The following IGF1R variants were observed in gnomAD, a reference collection of about 807,000 sequenced individuals.
The protein encoded by IGF1R is insulin-like growth factor 1 receptor.
A neutral mutation model predicts 144.6 loss-of-function variants in IGF1R; 44 were observed. The observed-to-expected ratio is 0.30, with a 90% confidence interval of 0.24 to 0.39. The LOEUF is 0.39. Ranked by LOEUF, IGF1R falls within the 10% of genes least tolerant of loss-of-function variation. The probability of loss-of-function intolerance (pLI) is 1.00; values close to 1 mark genes in which losing one functional copy is unlikely to be tolerated. For synonymous variants in IGF1R, 795 were observed against 722.8 expected, an observed-to-expected ratio of 1.10 and a Z score of -1.60; for missense variants, 1,355 against 1,833.7, an observed-to-expected ratio of 0.74 and a Z score of 4.77.
intron 2 of IGF1R, among the ~76,000 whole-genome samples, chr15:98,778,093 G>T (rs2055764842): frequency 6.6e-6 from 1 of 152,162 alleles, no homozygotes; most frequent in Non-Finnish European, 1.5e-5. Flanking sequence ...AGGGGGTGAG[G>T]ATAGAACAGA....
At chr15:98,926,361 T>C (rs2015718528) in intron 13 of IGF1R, among the ~76,000 whole-genome samples, 1 of 152,040 alleles carries the variant, frequency 6.6e-6, no homozygotes, top group Admixed American at 6.5e-5. Flanking sequence ...AAAATTTCAG[T>C]TAGATAGGAG....
At chr15:98,760,105 C>T (rs1461747570) in intron 2 of IGF1R, among the ~76,000 whole-genome samples, 1 of 151,882 alleles carries the variant, frequency 6.6e-6, no homozygotes, top group Non-Finnish European at 1.5e-5. Context: ...TTTGGGAGGC[C>T]ACGGTGAGTG....
At chr15:98,902,433 T>TC (rs2014529268) in intron 5 of IGF1R, among the ~76,000 whole-genome samples, 2 of 150,852 alleles carry the variant, frequency 1.3e-5, no homozygotes, top group African/African-American at 4.9e-5. Context: ...TTTTTTTTTT[T>TC]TTGAGATGGA....
chr15:98,838,976 C>T (rs1218471964), intron 2 of IGF1R, among the ~76,000 whole-genome samples: 1 of 152,244 alleles, frequency 6.6e-6, no homozygotes, highest in African/African-American at 2.4e-5. Flanking sequence ...GCCAAGGCCA[C>T]CAAGGGCAGG....
intron 2 of IGF1R, among the ~76,000 whole-genome samples, chr15:98,719,035 G>A (rs2054186652): frequency 1.3e-5 from 2 of 152,206 alleles, no homozygotes; most frequent in Non-Finnish European, 1.5e-5. Context: ...ATTATTAGGT[G>A]CTTAGACTAT....
chr15:98,893,139 A>C (rs1406626360), intron 3 of IGF1R, among the ~76,000 whole-genome samples: 2 of 152,250 alleles, frequency 1.3e-5, no homozygotes, highest in South Asian at 2.1e-4. Context: ...TATCGTTAGA[A>C]AAGTAGGTGT....
chr15:98,803,117 G>A (rs928222569), intron 2 of IGF1R, among the ~76,000 whole-genome samples: 1 of 152,150 alleles, frequency 6.6e-6, no homozygotes, highest in African/African-American at 2.4e-5. Flanking sequence ...GAAATGCATT[G>A]TTAGGTAATT....
chr15:98,708,938 T>C (rs2053930301), intron 2 of IGF1R, among the ~76,000 whole-genome samples: 1 of 152,224 alleles, frequency 6.6e-6, no homozygotes, highest in African/African-American at 2.4e-5. Flanking sequence ...ATGCTTATTT[T>C]CCCTTGAGAA....
intron 2 of IGF1R, among the ~76,000 whole-genome samples, chr15:98,816,895 C>G (rs1270797613): frequency 6.6e-6 from 1 of 152,118 alleles, no homozygotes; most frequent in Admixed American, 6.6e-5. Flanking sequence ...CTATAAATGC[C>G]CGGTTGTATG....
At chr15:98,931,535 CTT>C (rs1285011117) in intron 15 of IGF1R, among the ~76,000 whole-genome samples, 1 of 152,064 alleles carries the variant, frequency 6.6e-6, no homozygotes, top group East Asian at 1.9e-4. Context: ...AGAATAATGA[CTT>C]TATTTCTATC....
rs35707888 is a variant in IGF1R at position 98,884,683 on chromosome 15, C to CAAAA, written c.641-6624_641-6621dup. 3.4e-4 allele frequency among the ~76,000 whole-genome samples: 27 copies of CAAAA among 80,138 alleles called. 1 individual carries two copies. The highest frequency in any genetic ancestry group is 4.8e-4 in the South Asian group (1 of 2,064). The allele number at this position is 80,138 out of a possible 152,430, so 52.6% of individuals were successfully genotyped here. On this transcript the variant is annotated intron_variant, in intron 2 of 20. Coordinates refer to ENST00000650285, the MANE Select transcript of IGF1R (RefSeq NM_000875.5). ...CTGGTGACAGAGTGACACTCCGTCT[C>CAAAA]AAAAAAAAAAAAAAAAAAAAAGAAA...
chr15:98,937,555 T>G (rs1330840790), intron 17 of IGF1R, among the ~76,000 whole-genome samples: 1 of 152,228 alleles, frequency 6.6e-6, no homozygotes, highest in Non-Finnish European at 1.5e-5. Context: ...TTAAAATGTG[T>G]GCACTTACCC....
intron 1 of IGF1R, among the ~76,000 whole-genome samples, chr15:98,706,279 G>A (rs575681379): frequency 6.6e-6 from 1 of 152,314 alleles, no homozygotes; most frequent in African/African-American, 2.4e-5. Context: ...AATTACATCA[G>A]TCAGAAAACT....
chr15:98,800,702 G>A (rs2056343160), intron 2 of IGF1R, among the ~76,000 whole-genome samples: 1 of 151,988 alleles, frequency 6.6e-6, no homozygotes, highest in African/African-American at 2.4e-5. Context: ...ACTTGGTGTT[G>A]GTATCTGAGC....
At chr15:98,708,169 C>T (rs1354321047) in intron 2 of IGF1R, 62 bp downstream of exon 2, 16 of 1,407,620 alleles carry the variant, frequency 1.1e-5, no homozygotes, top group Non-Finnish European at 1.5e-5. Flanking sequence ...TCCTCCTTGA[C>T]CTCCCTTCTC....
chr15:98,661,391 A>C (rs150095119), intron 1 of IGF1R, among the ~76,000 whole-genome samples: 7 of 152,344 alleles, frequency 4.6e-5, no homozygotes, highest in African/African-American at 1.7e-4. Flanking sequence ...CCTGAACTTA[A>C]TGAACACCTT....
Position 98,826,784 on chromosome 15 carries a change from A to T in IGF1R, c.641-64541A>T, listed in dbSNP as rs1451237949. Reference sequence around the variant, plus strand: ...GCTCTGTGCAGTTGTCTGGCAACCAATGTGATAAAGACAGAGGGAAGTGCT... The same window carrying T: ...GCTCTGTGCAGTTGTCTGGCAACCATTGTGATAAAGACAGAGGGAAGTGCT... On this transcript the variant is annotated intron_variant, in intron 2 of 20. Coordinates refer to ENST00000650285, the MANE Select transcript of IGF1R (RefSeq NM_000875.5). Among the ~76,000 whole-genome samples the T allele has an allele frequency of 2.0e-5, 3 of 152,358 alleles. No homozygotes were observed. In the East Asian group the frequency reaches 5.8e-4, roughly 29 times the overall value.
intron 2 of IGF1R, among the ~76,000 whole-genome samples, chr15:98,751,721 A>C (rs910840166): frequency 2.0e-5 from 3 of 152,182 alleles, no homozygotes; most frequent in African/African-American, 7.2e-5. Context: ...CCATATGGCC[A>C]AGTTGCTTTC....
chr15:98,789,672 A>G (rs1385364043), intron 2 of IGF1R, among the ~76,000 whole-genome samples: 1 of 152,190 alleles, frequency 6.6e-6, no homozygotes, highest in African/African-American at 2.4e-5. Flanking sequence ...GAGGAGGGGC[A>G]TTTCAAATTG....
Sources: allele counts gnomAD v4.1 joint callset (sites outside exome capture counted in the v4.1 genomes callset), GRCh38; gene constraint gnomAD v4.1.1; transcripts MANE v1.5; gene names NCBI Gene and HGNC (gene_info 2026-07-23, HGNC 2026-07-21).